Variants in FANCC observed in about 807,000 individuals in gnomAD.
FANCC encodes Fanconi anemia group C protein.
FANCC carries 55 observed loss-of-function variants against 71.3 expected under a neutral mutation model. The observed-to-expected ratio is 0.77, with a 90% CI of 0.62 to 0.97. FANCC has a LOEUF of 0.97. Ranked by LOEUF, FANCC falls within the 50% of genes least tolerant of loss-of-function variation. The pLI, the probability that FANCC is intolerant of heterozygous loss-of-function variation, is 0.00. For missense variants in FANCC, 678 were observed against 670.9 expected (o/e 1.01, Z -0.12); for synonymous variants, 275 against 244.9 (o/e 1.12, Z -1.15).
chr9:95,222,613 TAA>T lies in FANCC; in HGVS notation c.345+18034_345+18035del, dbSNP rs372335198. Among the ~76,000 whole-genome samples the T allele has an allele frequency of 2.0e-4, 30 of 152,300 alleles. No homozygotes were observed. The South Asian group carries it at 6.0e-3, about 31-fold the overall frequency. On this transcript the variant is annotated intron_variant, in intron 4 of 14. Transcript: ENST00000289081. ...GTCAAAACTATCAAATTATACACTT[TAA>T]GAGTGCATTTGATCGCACGTAAAAT...
intron 1 of FANCC, among the ~76,000 whole-genome samples, chr9:95,279,699 G>C (rs982009998): frequency 9.9e-5 from 15 of 152,140 alleles, no homozygotes; most frequent in Admixed American, 9.8e-4. Flanking sequence ...TGTAATCCCA[G>C]CACTTTGGGA....
intron 4 of FANCC, among the ~76,000 whole-genome samples, chr9:95,229,785 A>G (rs2135984442): frequency 6.6e-6 from 1 of 151,586 alleles, no homozygotes; most frequent in Admixed American, 6.6e-5. Flanking sequence ...ACACACACAC[A>G]CACACACACA....
Position 95,249,392 on chromosome 9 carries a change from A to G in FANCC, c.-78-23T>C, listed in dbSNP as rs531399303. ...AATCTGTAAGAAAGGGAACAAATAG[A>G]AGCATTTCTAAAAGGCTCTTTTATC... On this transcript the variant is annotated intron_variant, in intron 1 of 14. Transcript: ENST00000289081. 1.0e-4 allele frequency: 122 copies of G among 1,215,894 alleles called. No homozygotes were observed. In the African/African-American group the frequency reaches 1.6e-3, roughly 16 times the overall value. 75.3% of individuals were successfully genotyped at this position (1,215,894 alleles called of 1,614,324 possible).
chr9:95,125,366 A>AT (rs1825819274), intron 9 of FANCC, among the ~76,000 whole-genome samples, 181 bp from the exon 10 acceptor site: 1 of 152,132 alleles, frequency 6.6e-6, no homozygotes, highest in Non-Finnish European at 1.5e-5. Flanking sequence ...TCCCTGTTAT[A>AT]TTTTCTTTAA....
intron 4 of FANCC, among the ~76,000 whole-genome samples, chr9:95,232,015 A>G (rs1830038421): frequency 6.6e-6 from 1 of 152,226 alleles, no homozygotes; most frequent in Admixed American, 6.5e-5. Flanking sequence ...AAGAGCTTCA[A>G]CTGGCTTGTG....
intron 1 of FANCC, chr9:95,292,535 G>C: frequency 6.8e-7 from 1 of 1,478,878 alleles, no homozygotes; most frequent in Admixed American, 2.0e-5. Flanking sequence ...TGGCGGGGGA[G>C]CTGATCCAGC....
At chr9:95,214,349 T>G (rs1419599526) in intron 4 of FANCC, among the ~76,000 whole-genome samples, 1 of 152,154 alleles carries the variant, frequency 6.6e-6, no homozygotes, top group Non-Finnish European at 1.5e-5. Flanking sequence ...GGAAGATCGG[T>G]TGAGCCCAGG....
At chr9:95,219,352 T>A (rs1216501105) in intron 4 of FANCC, among the ~76,000 whole-genome samples, 6 of 151,784 alleles carry the variant, frequency 4.0e-5, no homozygotes, top group African/African-American at 1.5e-4. Context: ...GACAGACAAA[T>A]CCAAGGAAGA....
intron 1 of FANCC, among the ~76,000 whole-genome samples, chr9:95,286,584 T>C (rs1483698643): frequency 6.6e-6 from 1 of 152,174 alleles, no homozygotes; most frequent in East Asian, 1.9e-4. Flanking sequence ...AACACACAAC[T>C]GAGTGGGGTA....
In FANCC at chr9:95,135,341, C is replaced by A. The variant is rs369082921; in HGVS notation, c.843+5G>T. 1 of 1,613,576 alleles carries A rather than the reference C, an allele frequency of 6.2e-7. No individual in the cohort carries two copies. The highest frequency in any genetic ancestry group is 8.5e-7 in the Non-Finnish European group (1 of 1,179,664). On this transcript the variant is annotated splice_donor_5th_base_variant and intron_variant, in intron 8 of 14. Transcript: ENST00000289081. The stretch of plus-strand genomic sequence containing the variant: ...TTTTTCCCTTCATCAAAACCCAGTA[C>A]GTACCAGCGATGAATCTTTTATAAA...
chr9:95,159,315 G>A (rs574740189), intron 6 of FANCC, among the ~76,000 whole-genome samples: 1 of 152,300 alleles, frequency 6.6e-6, no homozygotes, highest in African/African-American at 2.4e-5. Context: ...AGTTTGCTCA[G>A]AATGATGGTT....
At chr9:95,241,001 T>G (rs2136051033) in intron 3 of FANCC, among the ~76,000 whole-genome samples, 1 of 152,326 alleles carries the variant, frequency 6.6e-6, no homozygotes, top group East Asian at 1.9e-4. Flanking sequence ...GTTTTGTCCT[T>G]CTTGTGGCCT....
intron 4 of FANCC, among the ~76,000 whole-genome samples, chr9:95,215,525 C>T (rs994143064): frequency 3.3e-5 from 5 of 152,184 alleles, no homozygotes; most frequent in African/African-American, 4.8e-5. Flanking sequence ...CTCCTCCCCC[C>T]GAAAGGTGGG....
intron 6 of FANCC, among the ~76,000 whole-genome samples, chr9:95,158,956 T>A (rs2135500865): frequency 6.6e-6 from 1 of 152,148 alleles, no homozygotes; most frequent in Admixed American, 6.5e-5. Flanking sequence ...CATCAAGCAA[T>A]GAACTAAGGA....
rs979495330 is a variant in FANCC, at chr9:95,253,169, C to G, written c.-78-3800G>C. Among the ~76,000 whole-genome samples the G allele has an allele frequency of 2.6e-5, 4 of 152,168 alleles. No individual in the cohort carries two copies. The East Asian group carries it at 7.7e-4, about 29-fold the overall frequency. ...ATGCAGTGCACTGATCCTCAATATG[C>G]TGCTCCACAACCTCTGGGGCTGGGA... On this transcript the variant is annotated intron_variant, in intron 1 of 14. Transcript: ENST00000289081.
chr9:95,306,926 T>G (rs1438356720), intron 1 of FANCC, among the ~76,000 whole-genome samples: 1 of 152,124 alleles, frequency 6.6e-6, no homozygotes, highest in African/African-American at 2.4e-5. Context: ...CAGGCTGGAG[T>G]GCAGTGGTAT....
intron 8 of FANCC, among the ~76,000 whole-genome samples, chr9:95,134,850 G>A (rs1464721655): frequency 6.6e-6 from 1 of 152,262 alleles, no homozygotes; most frequent in Non-Finnish European, 1.5e-5. Context: ...CCGCGCAGGG[G>A]AGGGTGAAGG....
intron 6 of FANCC, among the ~76,000 whole-genome samples, chr9:95,158,805 G>A (rs1308981966): frequency 6.6e-6 from 1 of 152,182 alleles, no homozygotes; most frequent in African/African-American, 2.4e-5. Flanking sequence ...TGATGCTGCT[G>A]ATTGGTAGGG....
At chr9:95,307,091 C>T (rs1835112281) in intron 1 of FANCC, among the ~76,000 whole-genome samples, 1 of 152,062 alleles carries the variant, frequency 6.6e-6, no homozygotes, top group African/African-American at 2.4e-5. Flanking sequence ...CGCCATGTTG[C>T]CCAGGCTCGT....
Sources: allele counts gnomAD v4.1 joint callset (sites outside exome capture counted in the v4.1 genomes callset), GRCh38; gene constraint gnomAD v4.1.1; transcripts MANE v1.5; gene names NCBI Gene and HGNC (gene_info 2026-07-23, HGNC 2026-07-21).